The following NCOA1 variants were observed in gnomAD, a reference collection of about 807,000 sequenced individuals.
The protein encoded by NCOA1 is nuclear receptor coactivator 1, also known as Hin-2 protein.
Under a neutral mutation model 150.9 loss-of-function variants are expected in NCOA1, and 35 were observed. That is an observed-to-expected ratio of 0.23 (90% CI 0.18 to 0.31). NCOA1 has a LOEUF of 0.31. Among genes scored for constraint, NCOA1 ranks in the 10% least tolerant of loss-of-function variants. NCOA1 has a pLI of 1.00. For missense variants in NCOA1, 1,491 were observed against 1,749.3 expected, an observed-to-expected ratio of 0.85 and a Z score of 2.63; for synonymous variants, 590 against 630.0, an observed-to-expected ratio of 0.94 and a Z score of 0.95.
At chr2:24,668,347 A>G (rs1313837869) in intron 6 of NCOA1, among the ~76,000 whole-genome samples, 2 of 152,132 alleles carry the variant, frequency 1.3e-5, no homozygotes, top group African/African-American at 2.4e-5. Context: ...CAGTTGTTGT[A>G]AAAGAAAGAT....
At chr2:24,618,060 G>C (rs1668954082) in intron 3 of NCOA1, among the ~76,000 whole-genome samples, 2 of 152,072 alleles carry the variant, frequency 1.3e-5, no homozygotes, top group African/African-American at 4.8e-5. Context: ...TGCATATGCA[G>C]ATATTCACTT....
At chr2:24,632,824 G>C (rs1669764743) in intron 3 of NCOA1, among the ~76,000 whole-genome samples, 1 of 152,098 alleles carries the variant, frequency 6.6e-6, no homozygotes, top group Non-Finnish European at 1.5e-5. Flanking sequence ...CATTAGAAAA[G>C]GGGAGCCAGG....
rs896614617 is a variant in NCOA1, at chr2:24,536,067, C to T, written c.-395-28228C>T. Among the ~76,000 whole-genome samples the T allele has an allele frequency of 4.6e-5, 7 of 152,148 alleles. No individual in the cohort carries two copies. In the South Asian group the frequency reaches 1.0e-3, roughly 23 times the overall value. ...CATTTTCCAACTTGGTTCCATTGTC[C>T]GCATCACTTTCAGGTATACCAATCA... is the stretch of plus-strand genomic sequence containing the variant. On this transcript the variant is annotated intron_variant, in intron 1 of 22. Coordinates refer to ENST00000348332, the MANE Select transcript of NCOA1 (RefSeq NM_003743.5).
chr2:24,529,713 C>T (rs530080916), intron 1 of NCOA1, among the ~76,000 whole-genome samples: 3 of 152,238 alleles, frequency 2.0e-5, no homozygotes, highest in Admixed American at 2.0e-4. Context: ...ACACTTTCCT[C>T]CATAAGAATA....
intron 6 of NCOA1, among the ~76,000 whole-genome samples, 184 bp downstream of exon 6, chr2:24,666,099 C>T (rs1327885227): frequency 6.6e-6 from 1 of 151,724 alleles, no homozygotes; most frequent in Non-Finnish European, 1.5e-5. Flanking sequence ...GCAAGCTCCA[C>T]CTCCTGGGTT....
chr2:24,540,987 G>C (rs1455998061), intron 1 of NCOA1, among the ~76,000 whole-genome samples: 2 of 152,154 alleles, frequency 1.3e-5, no homozygotes, highest in African/African-American at 4.8e-5. Flanking sequence ...AAGCATTTTG[G>C]GGATGAGAGT....
At chr2:24,688,163 A>G (rs927295025) in intron 8 of NCOA1, among the ~76,000 whole-genome samples, 1 of 152,088 alleles carries the variant, frequency 6.6e-6, no homozygotes, top group Non-Finnish European at 1.5e-5. Flanking sequence ...CTTGATGGTC[A>G]TTGAGGTTGA....
At chr2:24,557,954 A>G (rs1296132079) in intron 1 of NCOA1, among the ~76,000 whole-genome samples, 3 of 151,008 alleles carry the variant, frequency 2.0e-5, no homozygotes. Context: ...GGTGTTTATT[A>G]TGAAGGGTTC....
At position 24,703,106 on chromosome 2, in the gene NCOA1, C is replaced by G. The variant is rs552556763; in HGVS notation, c.950-1980C>G. ...CCTGATATGTACTCCATGCTAGGCT[C>G]CGTGCTAGATATTATCTTACAATGT... On this transcript the variant is annotated intron_variant, in intron 11 of 22. Transcript: ENST00000348332. Among the ~76,000 whole-genome samples the G allele has an allele frequency of 2.0e-5, 3 of 152,246 alleles. No homozygotes were observed. The South Asian group carries it at 6.2e-4, about 32-fold the overall frequency.
intron 6 of NCOA1, 21 bp downstream of exon 6, chr2:24,665,936 C>G: frequency 1.1e-5 from 15 of 1,390,900 alleles, no homozygotes; most frequent in Non-Finnish European, 1.4e-5. Flanking sequence ...AAAAGAAAAC[C>G]CATGGCTGTG....
At chr2:24,543,230 C>T (rs781496690) in intron 1 of NCOA1, among the ~76,000 whole-genome samples, 4 of 152,084 alleles carry the variant, frequency 2.6e-5, no homozygotes, top group Non-Finnish European at 4.4e-5. Context: ...GAGATCACAT[C>T]GTGAGAGTGG....
intron 22 of NCOA1, among the ~76,000 whole-genome samples, chr2:24,764,410 T>C (rs1331220859): frequency 2.6e-5 from 4 of 152,232 alleles, no homozygotes; most frequent in African/African-American, 9.6e-5. Context: ...AAGGAGAATT[T>C]GCTGAGATGG....
intron 3 of NCOA1, among the ~76,000 whole-genome samples, chr2:24,605,271 C>T (rs1668314187): frequency 2.0e-5 from 3 of 152,160 alleles, no homozygotes; most frequent in African/African-American, 7.2e-5. Flanking sequence ...TTGCTTGGAT[C>T]AGGGTTGCCA....
At chr2:24,493,904 A>C (rs1026628706) in intron 1 of NCOA1, among the ~76,000 whole-genome samples, 2 of 152,160 alleles carry the variant, frequency 1.3e-5, no homozygotes, top group South Asian at 2.1e-4. Flanking sequence ...ATTTTTGTTG[A>C]ATTTCCTGTT....
At chr2:24,767,312 ACACTTAGATG>A (rs1467423995) in intron 22 of NCOA1, among the ~76,000 whole-genome samples, 16 of 152,336 alleles carry the variant, frequency 1.1e-4, no homozygotes, top group African/African-American at 2.6e-4. Context: ...AAAGTTTGAG[ACACTTAGATG>A]CACTTAGATG....
chr2:24,753,874 C>G (rs1042236993), intron 20 of NCOA1, among the ~76,000 whole-genome samples: 1 of 152,178 alleles, frequency 6.6e-6, no homozygotes, highest in Admixed American at 6.5e-5. Flanking sequence ...ACACCATACT[C>G]TATATTCAGC....
At chr2:24,696,958 T>C (rs1672933213) in intron 10 of NCOA1, among the ~76,000 whole-genome samples, 1 of 152,058 alleles carries the variant, frequency 6.6e-6, no homozygotes, top group South Asian at 2.1e-4. Flanking sequence ...CAGGTCTTAA[T>C]ATTCACAAAC....
intron 14 of NCOA1, among the ~76,000 whole-genome samples, chr2:24,711,914 A>G (rs1293888451): frequency 6.6e-6 from 1 of 152,210 alleles, no homozygotes; most frequent in Non-Finnish European, 1.5e-5. Flanking sequence ...TGGATTTTCA[A>G]CGTTAGTTCT....
At chr2:24,632,099 A>T (rs1669733831) in intron 3 of NCOA1, among the ~76,000 whole-genome samples, 1 of 149,890 alleles carries the variant, frequency 6.7e-6, no homozygotes, top group Admixed American at 6.6e-5. Flanking sequence ...GTTTAGTTAA[A>T]CAACAACAAA....
Sources: gnomAD v4.1 joint callset for allele counts (sites outside exome capture counted in the v4.1 genomes callset) on GRCh38, gnomAD v4.1.1 for gene constraint, MANE v1.5 for transcripts, NCBI Gene and HGNC (gene_info 2026-07-23, HGNC 2026-07-21) for gene names.